Variants in ADCY10 observed in about 807,000 individuals in gnomAD.
ADCY10 encodes the protein adenylate cyclase type 10.
In ADCY10, 156 loss-of-function variants were observed where a neutral mutation model predicts 183.3. The ratio of observed to expected loss-of-function variants is 0.85; its 90% CI spans 0.75 to 0.97. The LOEUF is 0.97. Ranked by LOEUF, ADCY10 falls within the 50% of genes least tolerant of loss-of-function variation. ADCY10 has a pLI of 0.00. For missense variants in ADCY10, 1,745 were observed against 1,934.3 expected (o/e 0.90, Z 1.84); for synonymous variants, 645 against 670.0 (o/e 0.96, Z 0.58).
intron 8 of ADCY10, among the ~76,000 whole-genome samples, chr1:167,886,022 A>G (rs1668200224): frequency 6.6e-6 from 1 of 152,160 alleles, no homozygotes; most frequent in Non-Finnish European, 1.5e-5. Flanking sequence ...GGAGAACTAC[A>G]AACCACTGCT....
rs78289240 is a variant in ADCY10, at chr1:167,870,503, T to C, written c.1463-93A>G. ...CACATAGAAACCCTCCTTCTAAAAA[T>C]ATCCTTGGGCCAGGCGCTGTGGCTC... On this transcript the variant is annotated intron_variant, in intron 13 of 32. Transcript: ENST00000367851. 26,758 of 1,176,820 alleles carry C rather than the reference T, an allele frequency of 0.023. 437 individuals carry two copies. The highest frequency in any genetic ancestry group is 0.082 in the East Asian group (3,151 of 38,644). 72.9% of individuals were successfully genotyped at this position (1,176,820 alleles called of 1,614,324 possible).
chr1:167,822,976 CA>C, intron 29 of ADCY10, 31 bp downstream of exon 29: 1 of 1,594,684 alleles, frequency 6.3e-7, no homozygotes. Flanking sequence ...TCAACACCCC[CA>C]AGTTCTTTTA....
chr1:167,887,866 CCCACT>C (rs1441606607), intron 8 of ADCY10, among the ~76,000 whole-genome samples: 1 of 151,158 alleles, frequency 6.6e-6, no homozygotes, highest in Non-Finnish European at 1.5e-5. Flanking sequence ...GAAATCTTTG[CCCACT>C]CCAATGTCCT....
chr1:167,883,722 A>G (rs1558231136), intron 8 of ADCY10, 94 bp from the exon 9 acceptor site: 2 of 1,166,336 alleles, frequency 1.7e-6, no homozygotes, highest in East Asian at 2.4e-5. Flanking sequence ...CATCTAGGGA[A>G]TGTCTACCTC....
chr1:167,879,701 G>A (rs1387704003), intron 11 of ADCY10, among the ~76,000 whole-genome samples: 1 of 152,158 alleles, frequency 6.6e-6, no homozygotes, highest in Non-Finnish European at 1.5e-5. Flanking sequence ...AAGTAATAGA[G>A]TTGTGAAATC....
chr1:167,858,640 C>G (rs973062167), intron 16 of ADCY10, among the ~76,000 whole-genome samples: 1 of 151,912 alleles, frequency 6.6e-6, no homozygotes, highest in Non-Finnish European at 1.5e-5. Flanking sequence ...CTTACAGAAG[C>G]CTGGTGGAAG....
intron 24 of ADCY10, among the ~76,000 whole-genome samples, chr1:167,833,483 C>T (rs183032353): frequency 1.1e-3 from 160 of 152,292 alleles, no homozygotes; most frequent in African/African-American, 3.6e-3. Flanking sequence ...CGGTGGCTAA[C>T]GCCTGTAATC....
In ADCY10 at chr1:167,880,357, G is replaced by T. The variant is rs181573618; in HGVS notation, c.1139+134C>A. ...TTTCTACATGGCCCGGAGATGCGAA[G>T]GAGGAACAACAGTTTGAGACACAGG... On this transcript the variant is annotated intron_variant, in intron 10 of 32. Transcript: ENST00000367851. 23 of 956,672 alleles carry T rather than the reference G, an allele frequency of 2.4e-5. No homozygotes were observed. The East Asian group carries it at 4.8e-4, about 20-fold the overall frequency. 59.3% of individuals were successfully genotyped at this position (956,672 alleles called of 1,614,324 possible).
intron 14 of ADCY10, among the ~76,000 whole-genome samples, chr1:167,868,000 A>G (rs1296313196): frequency 6.6e-6 from 1 of 152,162 alleles, no homozygotes; most frequent in Non-Finnish European, 1.5e-5. Context: ...CCCAAGGTAG[A>G]AAAAAAGAAG....
chr1:167,866,104 T>TC (rs1410227890), intron 14 of ADCY10, among the ~76,000 whole-genome samples: 1 of 152,184 alleles, frequency 6.6e-6, no homozygotes. Flanking sequence ...CCCTTGTTCA[T>TC]CCCCAAGCGG....
At chr1:167,842,261 TCCTGAGAAA>T (rs1315337280) in intron 21 of ADCY10, among the ~76,000 whole-genome samples, 2 of 152,144 alleles carry the variant, frequency 1.3e-5, no homozygotes, top group Non-Finnish European at 2.9e-5. Flanking sequence ...CACCTCAACT[TCCTGAGAAA>T]CTGGGACTAT....
chr1:167,822,214 G>A, intron 29 of ADCY10, 73 bp from the exon 30 acceptor site: 1 of 1,031,362 alleles, frequency 9.7e-7, no homozygotes, highest in Non-Finnish European at 1.5e-6. Context: ...GTCACTCTCA[G>A]TTGAATTTCC....
intron 28 of ADCY10, among the ~76,000 whole-genome samples, chr1:167,823,763 T>C (rs1356720338): frequency 6.6e-6 from 1 of 152,160 alleles, no homozygotes; most frequent in Non-Finnish European, 1.5e-5. Flanking sequence ...AAAACCTCAA[T>C]CTCAAATTGG....
At chr1:167,910,777 G>A (rs1488273620) in intron 1 of ADCY10, among the ~76,000 whole-genome samples, 3 of 152,186 alleles carry the variant, frequency 2.0e-5, no homozygotes, top group Non-Finnish European at 2.9e-5. Flanking sequence ...GAACTGAGCA[G>A]GGCGTAGCTC....
chr1:167,841,502 CTTTTTTTTT>C (rs71100905), intron 21 of ADCY10, among the ~76,000 whole-genome samples: 1 of 90,902 alleles, frequency 1.1e-5, no homozygotes, highest in Non-Finnish European at 1.9e-5. Context: ...ATATGCTTTC[CTTTTTTTTT>C]TTTTTTTTTT....
rs751531022 is a variant in ADCY10, at chr1:167,824,568, G to A, written c.3960C>T (p.Ser1320=). 1 of 1,614,046 alleles carries A rather than the reference G, an allele frequency of 6.2e-7. No homozygotes were observed. The highest frequency in any genetic ancestry group is 1.1e-5 in the South Asian group (1 of 91,086). ...GHLDLAIELG[S]RALQMWALLQ... Reference sequence around the variant, plus strand: ...GCAGTGCCCACATCTGAAGGGCTCGGGAGCCTGGGAAGAAAACAATTCCAG... The same window carrying A: ...GCAGTGCCCACATCTGAAGGGCTCGAGAGCCTGGGAAGAAAACAATTCCAG... The change falls in exon 28 of 33, where the codon TCC becomes TCT. Residue 1320 remains serine, a synonymous_variant. Transcript: ENST00000367851.
chr1:167,814,505 A>T (rs1662402223), intron 31 of ADCY10, among the ~76,000 whole-genome samples: 1 of 151,430 alleles, frequency 6.6e-6, no homozygotes, highest in Non-Finnish European at 1.5e-5. Flanking sequence ...AAGATCGTCA[A>T]TATATATGAA....
At chr1:167,822,435 C>G (rs922674279) in intron 29 of ADCY10, among the ~76,000 whole-genome samples, 1 of 152,196 alleles carries the variant, frequency 6.6e-6, no homozygotes, top group Admixed American at 6.5e-5. Context: ...ACTTCTCTGT[C>G]TCTCCACACA....
intron 18 of ADCY10, among the ~76,000 whole-genome samples, chr1:167,850,699 G>GTA (rs1553267972): frequency 8.2e-5 from 12 of 146,966 alleles, no homozygotes; most frequent in African/African-American, 3.0e-4. Flanking sequence ...GTGTGTGTGT[G>GTA]TGTGTGTGTT....
Sources: gnomAD v4.1 joint callset for allele counts (sites outside exome capture counted in the v4.1 genomes callset) on GRCh38, gnomAD v4.1.1 for gene constraint, MANE v1.5 for transcripts, NCBI Gene and HGNC (gene_info 2026-07-23, HGNC 2026-07-21) for gene names.